ABCA5: variants seen among roughly 807,000 people sequenced by gnomAD.
The protein encoded by ABCA5 is cholesterol transporter ABCA5.
A neutral mutation model predicts 206.0 loss-of-function variants in ABCA5; 163 were observed. The observed-to-expected ratio is 0.79, with a 90% CI of 0.70 to 0.90. The LOEUF (loss-of-function observed/expected upper bound fraction) is 0.90, where lower values mean the gene tolerates loss of function less well. Ranked by LOEUF, ABCA5 falls within the 40% of genes least tolerant of loss-of-function variation. The probability of loss-of-function intolerance (pLI) is 0.00; values close to 1 mark genes in which losing one functional copy is unlikely to be tolerated. For missense variants in ABCA5, 1,859 were observed against 1,912.9 expected (o/e 0.97, Z 0.53); for synonymous variants, 609 against 613.8 (o/e 0.99, Z 0.11).
In ABCA5 at chr17:69,264,825, G is replaced by A. The variant is rs1293674898; in HGVS notation, c.3225C>T (p.Pro1075=). The A allele has an allele frequency of 6.2e-7, 1 of 1,600,606 alleles. No individual in the cohort carries two copies. The change falls in exon 24 of 39, where the codon CCC becomes CCT. Residue 1075 remains proline, a synonymous_variant. Coordinates refer to ENST00000392676, the MANE Select transcript of ABCA5 (RefSeq NM_172232.4). ...TCAAAATAAGAATGATAAAAAATAA[G>A]GGGATATCAACAACAGCTTGTCCAA... ...YWIGQAVVDI[P]LFFIILILML...
chr17:69,307,067 C>T, intron 5 of ABCA5, 113 bp from the exon 6 acceptor site: 1 of 517,900 alleles, frequency 1.9e-6, no homozygotes, highest in Non-Finnish European at 3.1e-6. Context: ...CAAATACAAT[C>T]CTCAAAAAGC....
rs2075446692 is a variant in ABCA5 at position 69,285,943 on chromosome 17, G to T, written c.2227C>A (p.Gln743Lys). 4 of 1,613,144 alleles carry T rather than the reference G, an allele frequency of 2.5e-6. No homozygotes were observed. The highest frequency in any genetic ancestry group is 2.2e-5 in the South Asian group (2 of 91,012). Reference sequence around the variant, plus strand: ...TTGAAAGGCAAGCTATACACAAGTTGTTGGTCATTCTGTTGTAATAAAGTA... The same window carrying T: ...TTGAAAGGCAAGCTATACACAAGTTTTTGGTCATTCTGTTGTAATAAAGTA... ...GATLLQQNDQ[Q>K]LVYSLPFKDM... is the part of the protein sequence containing the mutation. The change falls in exon 17 of 39, where the codon CAA becomes AAA. Residue 743 changes from glutamine (Q) to lysine (K), a missense_variant. Physicochemically the swap from Gln to Lys is moderately conservative, Grantham distance 53 (BLOSUM62 1). Coordinates refer to ENST00000392676, the MANE Select transcript of ABCA5 (RefSeq NM_172232.4).
chr17:69,260,367 A>G lies in ABCA5; in HGVS notation c.3610T>C (p.Trp1204Arg). Reference protein sequence around the residue: ...VRKNVDTYNPWDRLSVAVISP... With the variant: ...VRKNVDTYNPRDRLSVAVISP... ...ATAACAGCTACTGAAAGCCTATCCC[A>G]TGGATTATAGGTGTCCACATTTTTT... is the stretch of plus-strand genomic sequence containing the variant. Residue 1204 changes from tryptophan to arginine, a missense_variant, in exon 27 of 39, where the codon TGG (tryptophan) becomes CGG (arginine). By Grantham distance (101) the Trp-to-Arg change is moderately radical. Coordinates refer to ENST00000392676, the MANE Select transcript of ABCA5 (RefSeq NM_172232.4). 2 of 1,608,192 alleles carry G rather than the reference A, an allele frequency of 1.2e-6. No individual in the cohort carries two copies. Among genetic ancestry groups the G allele is most frequent in the Non-Finnish European group, 1.7e-6 (2 of 1,176,636 alleles).
chr17:69,300,792 TAAAG>T (rs2075644221), intron 9 of ABCA5, among the ~76,000 whole-genome samples: 1 of 152,024 alleles, frequency 6.6e-6, no homozygotes, highest in Admixed American at 6.6e-5. Flanking sequence ...GGACAGGAGA[TAAAG>T]AAAATGGTAG....
chr17:69,278,604 A>G lies in ABCA5; in HGVS notation c.2393-762T>C, dbSNP rs139111333. Among the ~76,000 whole-genome samples, 655 of 152,334 alleles carry G rather than the reference A, an allele frequency of 4.3e-3. 5 individuals carry two copies. The highest frequency in any genetic ancestry group is 0.015 in the African/African-American group (616 of 41,570). On this transcript the variant is annotated intron_variant, in intron 18 of 38. Coordinates refer to ENST00000392676, the MANE Select transcript of ABCA5 (RefSeq NM_172232.4). ...CAGTGTGATCATACAGATTATTAGC[A>G]CAACACTTAAAAGGTATAACAAATT...
intron 35 of ABCA5, 176 bp from the exon 36 acceptor site, chr17:69,250,797 A>G (rs1039580971): frequency 1.3e-4 from 51 of 378,056 alleles, no homozygotes; most frequent in African/African-American, 1.0e-3. Flanking sequence ...TAATCTTATC[A>G]TCTTATATTA....
intron 1 of ABCA5, among the ~76,000 whole-genome samples, chr17:69,325,286 G>A (rs1452660455): frequency 1.3e-5 from 2 of 150,962 alleles, no homozygotes; most frequent in African/African-American, 2.4e-5. Context: ...TTCATCCTGG[G>A]TGACAGAATG....
intron 14 of ABCA5, among the ~76,000 whole-genome samples, chr17:69,288,857 G>A (rs1303699026): frequency 6.6e-6 from 1 of 152,050 alleles, no homozygotes; most frequent in African/African-American, 2.4e-5. Flanking sequence ...GGAAGGGGGT[G>A]AGGAATAAAA....
Position 69,313,094 on chromosome 17 carries a change from T to G in ABCA5, c.305A>C (p.Asp102Ala). 6.3e-7 allele frequency: 1 copy of G among 1,595,882 alleles called. No homozygotes were observed. The highest frequency in any genetic ancestry group is 8.5e-7 in the Non-Finnish European group (1 of 1,169,848). Residue 102 changes from aspartate (D) to alanine (A), a missense_variant and splice_region_variant, in exon 3 of 39, where the codon GAT (aspartate) becomes GCT (alanine). Transcript: ENST00000392676. ...MQKVSTDHLPDVIITEEYTNE... is the reference protein window; with the variant it reads ...MQKVSTDHLPAVIITEEYTNE... ...ATATATATATAAGCTCACAATACCA[T>G]CAGGTAGATGATCAGTAGACACTTT... is the stretch of plus-strand genomic sequence containing the variant.
intron 24 of ABCA5, among the ~76,000 whole-genome samples, chr17:69,263,094 A>G (rs1387633370): frequency 1.3e-5 from 2 of 151,674 alleles, no homozygotes; most frequent in East Asian, 3.9e-4. Flanking sequence ...TTGTTTTTTG[A>G]TTGCTGAATT....
chr17:69,272,638 T>C (rs1017502385), intron 20 of ABCA5, among the ~76,000 whole-genome samples: 4 of 152,118 alleles, frequency 2.6e-5, no homozygotes, highest in African/African-American at 7.2e-5. Flanking sequence ...AAAACGAGAA[T>C]TCATAATGAA....
chr17:69,275,437 C>T (rs1397639275), intron 19 of ABCA5, among the ~76,000 whole-genome samples: 1 of 151,890 alleles, frequency 6.6e-6, no homozygotes, highest in Admixed American at 6.6e-5. Flanking sequence ...TTTCACATAC[C>T]CCGTAATTTT....
At chr17:69,270,812 T>C (rs1216295754) in intron 21 of ABCA5, 62 bp from the exon 22 acceptor site, 2 of 1,395,368 alleles carry the variant, frequency 1.4e-6, no homozygotes, top group Non-Finnish European at 9.4e-7. Context: ...TATTGATATG[T>C]ACCAAGCTTT....
At chr17:69,311,620 G>T (rs1478020967) in intron 3 of ABCA5, among the ~76,000 whole-genome samples, 9 of 152,106 alleles carry the variant, frequency 5.9e-5, no homozygotes, top group Admixed American at 5.9e-4. Flanking sequence ...CTCCCAAGTA[G>T]CTGGGACTAC....
In ABCA5 at chr17:69,270,600, T is replaced by C. The variant is rs1378322415; in HGVS notation, c.3030+13A>G. On this transcript the variant is annotated intron_variant, in intron 22 of 38. Transcript: ENST00000392676. Reference sequence around the variant, plus strand: ...ATGCATATGGAAATTTATCTGTATATACATTGGCTTACTTGAAAGAATGGG... The same window carrying C: ...ATGCATATGGAAATTTATCTGTATACACATTGGCTTACTTGAAAGAATGGG... 6.3e-6 allele frequency: 10 copies of C among 1,579,228 alleles called. No individual in the cohort carries two copies. Among genetic ancestry groups the C allele is most frequent in the African/African-American group, 1.4e-5 (1 of 72,808 alleles).
chr17:69,256,255 T>G lies in ABCA5; in HGVS notation c.3760A>C (p.Lys1254Gln). 1 of 1,605,102 alleles carries G rather than the reference T, an allele frequency of 6.2e-7. No homozygotes were observed. Among genetic ancestry groups the G allele is most frequent in the Non-Finnish European group, 8.5e-7 (1 of 1,175,012 alleles). ...TCATTGTCTGGTGGTTCTGGAAGCTTCCTATTTTTAGACTTCGTTGAAAGG... is the reference window on the plus strand; with the variant it reads ...TCATTGTCTGGTGGTTCTGGAAGCTGCCTATTTTTAGACTTCGTTGAAAGG... The part of the protein sequence containing the change: ...RNLSTKSKNR[K>Q]LPEPPDNEDE... The change falls in exon 29 of 39, where the codon AAG becomes CAG. Residue 1254 changes from lysine (K) to glutamine (Q), a missense_variant. Lys to Gln is a moderately conservative substitution (Grantham distance 53, BLOSUM62 1). Transcript: ENST00000392676.
rs765240335 is a variant in ABCA5 at position 69,313,068 on chromosome 17, A to AAC, written c.307+23_307+24insGT. 8.5e-6 allele frequency: 13 copies of AAC among 1,521,456 alleles called. No homozygotes were observed. The African/African-American group carries it at 1.8e-4, about 21-fold the overall frequency. The allele number at this position is 1,521,456 out of a possible 1,614,324, so 94.2% of individuals were successfully genotyped here. On this transcript the variant is annotated intron_variant, in intron 3 of 38. Coordinates refer to ENST00000392676, the MANE Select transcript of ABCA5 (RefSeq NM_172232.4). ...TGAAAAGGCTTAATATTATAAACAG[A>AAC]ATATATATATAAGCTCACAATACCA...
At chr17:69,313,784 A>G (rs2075791845) in intron 2 of ABCA5, among the ~76,000 whole-genome samples, 2 of 152,154 alleles carry the variant, frequency 1.3e-5, no homozygotes, top group South Asian at 4.1e-4. Flanking sequence ...ATGAGCTATT[A>G]TATCATCTTG....
chr17:69,259,657 T>C, intron 28 of ABCA5, 49 bp downstream of exon 28: 1 of 1,278,462 alleles, frequency 7.8e-7, no homozygotes, highest in Non-Finnish European at 1.1e-6. Flanking sequence ...GGTTACACAG[T>C]TCTGTAAATA....
Sources: allele counts gnomAD v4.1 joint callset (sites outside exome capture counted in the v4.1 genomes callset), GRCh38; gene constraint gnomAD v4.1.1; transcripts MANE v1.5; gene names NCBI Gene and HGNC (gene_info 2026-07-23, HGNC 2026-07-21).